EEF2K: variants seen among roughly 807,000 people sequenced by gnomAD.
EEF2K encodes eukaryotic elongation factor 2 kinase, also known as alternative protein EEF2K.
EEF2K carries 70 observed loss-of-function variants against 93.8 expected under a neutral mutation model. The ratio of observed to expected loss-of-function variants is 0.75; its 90% CI spans 0.62 to 0.91. The LOEUF (loss-of-function observed/expected upper bound fraction) is 0.91. Among genes scored for constraint, EEF2K ranks in the 40% least tolerant of loss-of-function variants. The pLI is 0.00. For synonymous variants in EEF2K, 376 were observed against 380.8 expected (o/e 0.99, Z 0.15); for missense variants, 935 against 972.9 (o/e 0.96, Z 0.52).
intron 14 of EEF2K, 58 bp from the exon 15 acceptor site, chr16:22,266,630 C>T: frequency 6.3e-7 from 1 of 1,587,008 alleles, no homozygotes; most frequent in Non-Finnish European, 8.6e-7. Flanking sequence ...GCTGGGCGGT[C>T]TTGGGTGCGG....
At chr16:22,264,150 G>A (rs1336097865) in intron 12 of EEF2K, among the ~76,000 whole-genome samples, 1 of 151,596 alleles carries the variant, frequency 6.6e-6, no homozygotes, top group African/African-American at 2.4e-5. Context: ...AAATTAGCCG[G>A]GTGCAGTGGT....
At chr16:22,244,918 T>C (rs1476989043) in intron 3 of EEF2K, among the ~76,000 whole-genome samples, 188 bp downstream of exon 3, 1 of 152,172 alleles carries the variant, frequency 6.6e-6, no homozygotes, top group Non-Finnish European at 1.5e-5. Flanking sequence ...CTCGTGGTTC[T>C]CACAAGGTAC....
intron 15 of EEF2K, among the ~76,000 whole-genome samples, chr16:22,270,902 A>ATC (rs139094066): frequency 0.044 from 6,602 of 148,980 alleles, 489 homozygotes; most frequent in African/African-American, 0.15. Context: ...TCTCTCTATA[A>ATC]TCTCTCTCTC....
At chr16:22,213,139 G>A (rs924453353) in intron 1 of EEF2K, among the ~76,000 whole-genome samples, 10 of 152,062 alleles carry the variant, frequency 6.6e-5, no homozygotes, top group Non-Finnish European at 8.8e-5. Context: ...AATGAGCCAG[G>A]CATGGTGGCA....
Position 22,284,784 on chromosome 16 carries a change from CG to C in EEF2K, c.*792del, listed in dbSNP as rs1419298367. 6.6e-6 allele frequency: 1 copy of C among 152,032 alleles called. No individual in the cohort carries two copies. Among genetic ancestry groups the C allele is most frequent in the Non-Finnish European group, 1.5e-5 (1 of 67,996 alleles). 9.4% of individuals were successfully genotyped at this position (152,032 alleles called of 1,614,324 possible). ...ACTTCACGCTGGCTTTCCTAAGTCACGGGGCGTGTATTGCCGTGGCTTAGTG... is the reference window on the plus strand; with the variant it reads ...ACTTCACGCTGGCTTTCCTAAGTCACGGGCGTGTATTGCCGTGGCTTAGTG... On this transcript the variant is annotated 3_prime_UTR_variant, in exon 18 of 18. Coordinates refer to ENST00000263026, the MANE Select transcript of EEF2K (RefSeq NM_013302.5).
intron 2 of EEF2K, among the ~76,000 whole-genome samples, chr16:22,235,953 A>C (rs539041938): frequency 6.6e-6 from 1 of 150,672 alleles, no homozygotes; most frequent in African/African-American, 2.4e-5. Flanking sequence ...ATGCGCCATC[A>C]CGCCTGGCTA....
At chr16:22,282,548 T>C (rs947958286) in intron 17 of EEF2K, among the ~76,000 whole-genome samples, 3 of 152,234 alleles carry the variant, frequency 2.0e-5, no homozygotes, top group African/African-American at 7.2e-5. Context: ...AGGTGATTAA[T>C]GTTGTTATCA....
chr16:22,277,847 A>G (rs2047653051), intron 16 of EEF2K, among the ~76,000 whole-genome samples: 1 of 151,250 alleles, frequency 6.6e-6, no homozygotes, highest in Non-Finnish European at 1.5e-5. Flanking sequence ...GGGAAGTCTA[A>G]TATCAGTATG....
chr16:22,251,194 G>T lies in EEF2K; in HGVS notation c.490G>T (p.Ala164Ser). The T allele has an allele frequency of 1.2e-6, 2 of 1,614,054 alleles. No homozygotes were observed. Among genetic ancestry groups the T allele is most frequent in the Non-Finnish European group, 1.7e-6 (2 of 1,179,998 alleles). Residue 164 changes from alanine (A) to serine (S), a missense_variant, in exon 6 of 18, where the codon GCC becomes TCC. Transcript: ENST00000263026. ...NFLHAQQWKG[A>S]SNYVAKRYIE... is the part of the protein sequence containing the mutation. The stretch of plus-strand genomic sequence containing the variant: ...CTTGCATGCCCAGCAGTGGAAGGGC[G>T]CCTCCAACTACGTGGCGAAGCGCTA...
At position 22,284,053 on chromosome 16, in the gene EEF2K, A is replaced by G. The variant is rs1418091589; in HGVS notation, c.*57A>G. On this transcript the variant is annotated 3_prime_UTR_variant, in exon 18 of 18. Transcript: ENST00000263026. ...AAACGGGCTAGGAGGAAAGATTAAA[A>G]AAACAACAACAACAACTTATTTAGT... The G allele has an allele frequency of 6.3e-6, 9 of 1,417,656 alleles. No homozygotes were observed. Among genetic ancestry groups the G allele is most frequent in the Non-Finnish European group, 8.7e-6 (9 of 1,036,610 alleles). 87.8% of individuals were successfully genotyped at this position (1,417,656 alleles called of 1,614,324 possible).
intron 15 of EEF2K, among the ~76,000 whole-genome samples, chr16:22,271,514 C>A (rs1049496433): frequency 1.3e-5 from 2 of 151,936 alleles, no homozygotes; most frequent in African/African-American, 4.8e-5. Context: ...CATAGCAAAA[C>A]TCCATCTCTA....
chr16:22,237,941 A>T (rs2141660569), intron 2 of EEF2K, among the ~76,000 whole-genome samples: 1 of 152,280 alleles, frequency 6.6e-6, no homozygotes, highest in East Asian at 1.9e-4. Flanking sequence ...AAGTGGTATC[A>T]TAGTGTTTGT....
intron 3 of EEF2K, among the ~76,000 whole-genome samples, chr16:22,247,743 G>T (rs557683534): frequency 6.6e-6 from 1 of 152,166 alleles, no homozygotes. Flanking sequence ...CATTCTGAAG[G>T]CTTCCGTGTC....
In EEF2K at chr16:22,284,789, C is replaced by A. The variant is rs769099415; in HGVS notation, c.*793C>A. The stretch of plus-strand genomic sequence containing the variant: ...ACGCTGGCTTTCCTAAGTCACGGGG[C>A]GTGTATTGCCGTGGCTTAGTGCAAA... On this transcript the variant is annotated 3_prime_UTR_variant, in exon 18 of 18. Coordinates refer to ENST00000263026, the MANE Select transcript of EEF2K (RefSeq NM_013302.5). The A allele has an allele frequency of 1.3e-5, 2 of 152,022 alleles. No individual in the cohort carries two copies. Among genetic ancestry groups the A allele is most frequent in the Admixed American group, 1.3e-4 (2 of 15,242 alleles). The allele number at this position is 152,022 out of a possible 1,614,324, so 9.4% of individuals were successfully genotyped here. A position where few individuals can be genotyped will look rare whatever the true frequency, so the allele number is the denominator to read the frequency against.
chr16:22,252,328 G>T (rs1350275995), intron 6 of EEF2K, among the ~76,000 whole-genome samples: 1 of 152,186 alleles, frequency 6.6e-6, no homozygotes, highest in Non-Finnish European at 1.5e-5. Context: ...CTCTGGCCTG[G>T]GTGTTCTTCT....
intron 9 of EEF2K, 64 bp from the exon 10 acceptor site, chr16:22,258,430 G>C (rs2047428943): frequency 6.4e-7 from 1 of 1,558,678 alleles, no homozygotes; most frequent in South Asian, 1.2e-5. Context: ...GGGAACAACA[G>C]GAAGAGCCCT....
At chr16:22,215,674 C>T (rs1413935476) in intron 1 of EEF2K, among the ~76,000 whole-genome samples, 1 of 152,124 alleles carries the variant, frequency 6.6e-6, no homozygotes, top group African/African-American at 2.4e-5. Flanking sequence ...CCTATAATCC[C>T]ATCTCTTTGG....
At chr16:22,245,912 G>A (rs985993180) in intron 3 of EEF2K, among the ~76,000 whole-genome samples, 9 of 152,170 alleles carry the variant, frequency 5.9e-5, no homozygotes, top group Middle Eastern at 3.4e-3. Flanking sequence ...GCAGATGTGC[G>A]TCTAATTCTG....
intron 2 of EEF2K, among the ~76,000 whole-genome samples, chr16:22,232,478 C>G (rs2047125939): frequency 6.6e-6 from 1 of 152,144 alleles, no homozygotes; most frequent in Non-Finnish European, 1.5e-5. Context: ...AGTCCTCCTG[C>G]CTCAGCTTCC....
Sources: gnomAD v4.1 joint callset for allele counts (sites outside exome capture counted in the v4.1 genomes callset) on GRCh38, gnomAD v4.1.1 for gene constraint, MANE v1.5 for transcripts, NCBI Gene and HGNC (gene_info 2026-07-23, HGNC 2026-07-21) for gene names.